SDCCAG8: variants seen among roughly 807,000 people sequenced by gnomAD.
The protein encoded by SDCCAG8 is serologically defined colon cancer antigen 8.
SDCCAG8 carries 74 observed loss-of-function variants against 101.8 expected under a neutral mutation model. That is an observed-to-expected ratio of 0.73 (90% CI 0.60 to 0.88). The LOEUF is 0.88. SDCCAG8 is among the 40% of genes least tolerant of loss of function. The probability of loss-of-function intolerance (pLI) is 0.00; values close to 1 mark genes in which losing one functional copy is unlikely to be tolerated. For synonymous variants in SDCCAG8, 281 were observed against 292.9 expected, an observed-to-expected ratio of 0.96 and a Z score of 0.41; for missense variants, 787 against 822.6, an observed-to-expected ratio of 0.96 and a Z score of 0.53.
chr1:243,339,408 T>C (rs1207197621), intron 10 of SDCCAG8, among the ~76,000 whole-genome samples: 3 of 152,204 alleles, frequency 2.0e-5, no homozygotes, highest in African/African-American at 7.2e-5. Flanking sequence ...ATATATATGC[T>C]CATGAACTCG....
intron 16 of SDCCAG8, among the ~76,000 whole-genome samples, chr1:243,459,254 G>A (rs1658508997): frequency 1.3e-5 from 2 of 152,152 alleles, no homozygotes; most frequent in Admixed American, 6.5e-5. Context: ...GGGAGGAAGT[G>A]TGGCCACAGC....
intron 16 of SDCCAG8, among the ~76,000 whole-genome samples, chr1:243,484,784 G>A (rs1409214712): frequency 6.6e-6 from 1 of 152,180 alleles, no homozygotes; most frequent in East Asian, 1.9e-4. Context: ...GGTGGCTCAC[G>A]CCTGTAATCC....
chr1:243,441,020 G>T (rs749075540), intron 16 of SDCCAG8, among the ~76,000 whole-genome samples: 2 of 152,064 alleles, frequency 1.3e-5, no homozygotes, highest in Non-Finnish European at 2.9e-5. Context: ...AATTTATTTT[G>T]TATATGAACA....
Position 243,415,893 on chromosome 1 carries a change from T to C in SDCCAG8, c.1744+64T>C, listed in dbSNP as rs2080545961. 3.2e-6 allele frequency: 5 copies of C among 1,585,262 alleles called. No individual in the cohort carries two copies. In the East Asian group the frequency reaches 1.1e-4, roughly 36 times the overall value. Reference sequence around the variant, plus strand: ...CACAAGTCAGGCCCACGCCTTACTGTGAAATGACATCAGGAACACCTGTAA... The same window carrying C: ...CACAAGTCAGGCCCACGCCTTACTGCGAAATGACATCAGGAACACCTGTAA... On this transcript the variant is annotated intron_variant, in intron 14 of 17. Transcript: ENST00000366541.
chr1:243,311,387 TTC>T (rs1216725025), intron 8 of SDCCAG8, among the ~76,000 whole-genome samples: 1 of 152,038 alleles, frequency 6.6e-6, no homozygotes, highest in Non-Finnish European at 1.5e-5. Context: ...CCCTTCGAGG[TTC>T]ATAGATATGC....
intron 16 of SDCCAG8, among the ~76,000 whole-genome samples, chr1:243,461,617 G>A (rs1224776631): frequency 6.6e-6 from 1 of 152,164 alleles, no homozygotes; most frequent in Non-Finnish European, 1.5e-5. Flanking sequence ...ACAGAGCTGA[G>A]CTACATGACC....
chr1:243,406,197 A>T (rs1418342549), intron 13 of SDCCAG8, among the ~76,000 whole-genome samples: 1 of 152,214 alleles, frequency 6.6e-6, no homozygotes, highest in African/African-American at 2.4e-5. Flanking sequence ...ATGAAGATAC[A>T]AAGGCAAAAT....
chr1:243,490,823 C>A (rs764058043), intron 17 of SDCCAG8, among the ~76,000 whole-genome samples: 4 of 152,204 alleles, frequency 2.6e-5, no homozygotes, highest in Non-Finnish European at 4.4e-5. Flanking sequence ...TCAGGATGAC[C>A]CCCTCATCCT....
chr1:243,382,436 A>G (rs2078016295), intron 13 of SDCCAG8, among the ~76,000 whole-genome samples: 4 of 152,240 alleles, frequency 2.6e-5, no homozygotes, highest in Admixed American at 1.3e-4. Context: ...AAGGGGAAAC[A>G]ATATTTTTTG....
intron 1 of SDCCAG8, chr1:243,267,983 C>CT (rs775100000): frequency 6.5e-5 from 51 of 780,874 alleles, no homozygotes; most frequent in Non-Finnish European, 1.2e-4. Flanking sequence ...CGGAACTTCT[C>CT]TTTCCTTTAA....
In SDCCAG8 at chr1:243,304,058, G is replaced by A. The variant is rs561987909; in HGVS notation, c.676-655G>A. ...ACTGCACTCCAGCCTTGGTGATAGA[G>A]TGAGACTCTGTCTCAAAAAAAAAAA... On this transcript the variant is annotated intron_variant, in intron 6 of 17. Transcript: ENST00000366541. Among the ~76,000 whole-genome samples the A allele has an allele frequency of 2.6e-4, 39 of 148,844 alleles. No individual in the cohort carries two copies. The South Asian group carries it at 7.6e-3, about 29-fold the overall frequency.
At chr1:243,341,608 C>T (rs1286346137) in intron 11 of SDCCAG8, among the ~76,000 whole-genome samples, 1 of 152,146 alleles carries the variant, frequency 6.6e-6, no homozygotes, top group African/African-American at 2.4e-5. Flanking sequence ...GTGTGCTTGA[C>T]ATAAAAAATC....
chr1:243,408,115 T>C (rs576049796), intron 13 of SDCCAG8, among the ~76,000 whole-genome samples: 11 of 152,352 alleles, frequency 7.2e-5, no homozygotes, highest in African/African-American at 2.4e-4. Context: ...TCTCTGACTG[T>C]AGTCAGTAGA....
intron 16 of SDCCAG8, among the ~76,000 whole-genome samples, chr1:243,472,281 GA>G (rs1170577134): frequency 2.0e-5 from 3 of 152,200 alleles, no homozygotes; most frequent in African/African-American, 7.2e-5. Flanking sequence ...TTCAGTCAAA[GA>G]ACCTGTCCAT....
chr1:243,339,932 A>G (rs140369188), intron 10 of SDCCAG8, among the ~76,000 whole-genome samples: 1 of 152,334 alleles, frequency 6.6e-6, no homozygotes, highest in Non-Finnish European at 1.5e-5. Context: ...CTGCTTCTAC[A>G]TTTTAAAAAC....
chr1:243,459,098 T>C (rs1658460234), intron 16 of SDCCAG8, among the ~76,000 whole-genome samples: 1 of 152,092 alleles, frequency 6.6e-6, no homozygotes, highest in Non-Finnish European at 1.5e-5. Context: ...GAAAGGACAA[T>C]TTGGTAAAGC....
At chr1:243,481,113 C>G (rs1663668717) in intron 16 of SDCCAG8, among the ~76,000 whole-genome samples, 1 of 152,032 alleles carries the variant, frequency 6.6e-6, no homozygotes, top group Non-Finnish European at 1.5e-5. Context: ...ATCAAGTGCT[C>G]AGGATCCTTG....
chr1:243,445,056 A>G (rs1386290292), intron 16 of SDCCAG8, among the ~76,000 whole-genome samples: 1 of 152,228 alleles, frequency 6.6e-6, no homozygotes. Context: ...TTCCTAAAAA[A>G]GTCTACTTAT....
In SDCCAG8 at chr1:243,474,371, C is replaced by T. The variant is rs1047134427; in HGVS notation, c.1986-14643C>T. On this transcript the variant is annotated intron_variant, in intron 16 of 17. Coordinates refer to ENST00000366541, the MANE Select transcript of SDCCAG8 (RefSeq NM_006642.5). This position sits in a 1 kb window ranked among gnomAD's most constrained non-coding sequence, Gnocchi z 4.7. ...CGTGGAGTCGCCTGAGCCAGATGCTCCGCACCCAGCCTCCCCAAGCCCCGG... is the reference window on the plus strand; with the variant it reads ...CGTGGAGTCGCCTGAGCCAGATGCTTCGCACCCAGCCTCCCCAAGCCCCGG... Among the ~76,000 whole-genome samples, 2 of 152,194 alleles carry T rather than the reference C, an allele frequency of 1.3e-5. No individual in the cohort carries two copies. Among genetic ancestry groups the T allele is most frequent in the African/African-American group, 2.4e-5 (1 of 41,456 alleles).
Sources: gnomAD v4.1 joint callset for allele counts (sites outside exome capture counted in the v4.1 genomes callset) on GRCh38, gnomAD v4.1.1 for gene constraint, Gnocchi (gnomAD v3.1) non-coding constraint, MANE v1.5 for transcripts, NCBI Gene and HGNC (gene_info 2026-07-23, HGNC 2026-07-21) for gene names.